PRUNE2: variants seen among roughly 807,000 people sequenced by gnomAD.
PRUNE2 encodes the protein protein prune homolog 2.
In PRUNE2, 164 loss-of-function variants were observed where a neutral mutation model predicts 252.0. That is an observed-to-expected ratio of 0.65 (90% CI 0.57 to 0.74). PRUNE2 has a LOEUF of 0.74. Among genes scored for constraint, PRUNE2 ranks in the 30% least tolerant of loss-of-function variants. The probability of loss-of-function intolerance (pLI) is 0.00; values close to 1 mark genes in which losing one functional copy is unlikely to be tolerated. For synonymous variants in PRUNE2, 1,292 were observed against 1,350.2 expected (o/e 0.96, Z 0.94); for missense variants, 3,495 against 3,711.0 (o/e 0.94, Z 1.51).
intron 1 of PRUNE2, among the ~76,000 whole-genome samples, chr9:76,892,239 G>A (rs943792152): frequency 4.6e-5 from 7 of 152,116 alleles, no homozygotes; most frequent in African/African-American, 9.7e-5. Context: ...ATTCTCTAAC[G>A]TGTCGGGGTG....
chr9:76,704,789 TG>T lies in PRUNE2; in HGVS notation c.7484del (p.Pro2495GlnfsTer6). ...WEVETDNSDL[P>X]AGGDIGPPNG... ...TTGGTGGTCCTATGTCTCCACCTGC[TG>T]GTAAATCAGAATTATCTGTTTCTAC... On this transcript the variant is annotated frameshift_variant, in exon 8 of 19. Coordinates refer to ENST00000376718, the MANE Select transcript of PRUNE2 (RefSeq NM_015225.3). LOFTEE classifies it high-confidence loss of function. The T allele has an allele frequency of 6.4e-7, 1 of 1,570,220 alleles. No homozygotes were observed. The highest frequency in any genetic ancestry group is 8.7e-7 in the Non-Finnish European group (1 of 1,155,874).
At chr9:76,806,830 C>T (rs1268324151) in intron 6 of PRUNE2, among the ~76,000 whole-genome samples, 1 of 151,906 alleles carries the variant, frequency 6.6e-6, no homozygotes, top group African/African-American at 2.4e-5. Context: ...AGGCACCACT[C>T]TAAGCTTTTT....
intron 6 of PRUNE2, among the ~76,000 whole-genome samples, chr9:76,752,242 T>C (rs1307853095): frequency 6.6e-6 from 1 of 152,038 alleles, no homozygotes; most frequent in Non-Finnish European, 1.5e-5. Flanking sequence ...GGACTACAGG[T>C]GCCCGCCACC....
At chr9:76,647,257 G>C (rs958902685) in intron 11 of PRUNE2, among the ~76,000 whole-genome samples, 1 of 152,136 alleles carries the variant, frequency 6.6e-6, no homozygotes, top group Non-Finnish European at 1.5e-5. Context: ...ACTGATCTTA[G>C]ACAAGGAGCA....
intron 6 of PRUNE2, among the ~76,000 whole-genome samples, chr9:76,789,663 T>C (rs1240118727): frequency 6.6e-6 from 1 of 152,166 alleles, no homozygotes; most frequent in Non-Finnish European, 1.5e-5. Flanking sequence ...CCCGCAAGGT[T>C]TCCCCACACA....
At chr9:76,891,925 T>C (rs2062499937) in intron 1 of PRUNE2, among the ~76,000 whole-genome samples, 2 of 152,054 alleles carry the variant, frequency 1.3e-5, no homozygotes. Context: ...TGAGATCAAG[T>C]AGGTGACAAC....
In PRUNE2 at chr9:76,613,652, T is replaced by C. The variant is rs1459132654; in HGVS notation, c.*918A>G. 1.3e-5 allele frequency: 2 copies of C among 152,190 alleles called. No individual in the cohort carries two copies. Among genetic ancestry groups the C allele is most frequent in the Non-Finnish European group, 2.9e-5 (2 of 68,040 alleles). The allele number at this position is 152,190 out of a possible 1,614,324, so 9.4% of individuals were successfully genotyped here. On this transcript the variant is annotated 3_prime_UTR_variant, in exon 19 of 19. Transcript: ENST00000376718. ...GGAAATATTTTGTACATGAAAGTAA[T>C]ACTCATATTTAATTTTAAGCCTATG...
intron 1 of PRUNE2, among the ~76,000 whole-genome samples, chr9:76,876,885 A>T (rs1476353965): frequency 6.6e-6 from 1 of 152,194 alleles, no homozygotes; most frequent in Admixed American, 6.5e-5. Context: ...TTAAGCATGG[A>T]ATATAATACA....
At chr9:76,644,514 G>GA in intron 12 of PRUNE2, 1 of 640,830 alleles carries the variant, frequency 1.6e-6, no homozygotes, top group Non-Finnish European at 2.9e-6. Flanking sequence ...TATGTAGCAT[G>GA]AAAAGCCCGT....
At chr9:76,881,278 T>C (rs2061768092) in intron 1 of PRUNE2, among the ~76,000 whole-genome samples, 1 of 152,174 alleles carries the variant, frequency 6.6e-6, no homozygotes, top group African/African-American at 2.4e-5. Flanking sequence ...CTCATTAATT[T>C]TTAAGAGTGG....
intron 1 of PRUNE2, among the ~76,000 whole-genome samples, chr9:76,882,137 A>G (rs893127730): frequency 2.6e-5 from 4 of 152,190 alleles, no homozygotes; most frequent in African/African-American, 9.7e-5. Flanking sequence ...TAATGTGGAT[A>G]TATGAGTATG....
At chr9:76,772,232 G>C (rs1486940773) in intron 6 of PRUNE2, among the ~76,000 whole-genome samples, 1 of 152,278 alleles carries the variant, frequency 6.6e-6, no homozygotes, top group African/African-American at 2.4e-5. Context: ...CCACTACAGA[G>C]GGAAATAACA....
At chr9:76,884,882 C>T (rs114112326) in intron 1 of PRUNE2, among the ~76,000 whole-genome samples, 5,055 of 152,296 alleles carry the variant, frequency 0.033, 265 homozygotes, top group African/African-American at 0.11. Context: ...CTAAAGCCCA[C>T]CTCTCATTAT....
At chr9:76,702,425 C>T (rs11145012) in intron 9 of PRUNE2, among the ~76,000 whole-genome samples, 29,508 of 152,068 alleles carry the variant, frequency 0.19, 3,355 homozygotes, top group East Asian at 0.49. Context: ...TTACTTTTCA[C>T]AATTTGTTCT....
chr9:76,794,028 C>T (rs2055811545), intron 6 of PRUNE2, among the ~76,000 whole-genome samples: 1 of 152,140 alleles, frequency 6.6e-6, no homozygotes, highest in Admixed American at 6.5e-5. Flanking sequence ...TTTGCTTTGT[C>T]TGAAGCCAAG....
intron 10 of PRUNE2, among the ~76,000 whole-genome samples, chr9:76,653,087 C>A (rs1004475705): frequency 2.0e-5 from 3 of 152,084 alleles, no homozygotes; most frequent in Non-Finnish European, 4.4e-5. Context: ...GTAACTGGAT[C>A]CTCCCAACCC....
At chr9:76,904,595 ATACT>A (rs1271358830) in intron 1 of PRUNE2, among the ~76,000 whole-genome samples, 1 of 152,214 alleles carries the variant, frequency 6.6e-6, no homozygotes, top group African/African-American at 2.4e-5. Flanking sequence ...GAAATGCCAA[ATACT>A]TACTTGAGTT....
intron 6 of PRUNE2, among the ~76,000 whole-genome samples, chr9:76,763,591 G>A (rs544190): frequency 0.33 from 49,481 of 152,028 alleles, 8,593 homozygotes; most frequent in South Asian, 0.42. Flanking sequence ...CATATCCCCC[G>A]TCCCCAAGAG....
chr9:76,905,821 C>T, intron 1 of PRUNE2, 107 bp downstream of exon 1: 1 of 1,442,410 alleles, frequency 6.9e-7, no homozygotes, highest in Admixed American at 1.7e-5. Flanking sequence ...CCTGATAACT[C>T]CGTGGCAAAG....
Sources: allele counts gnomAD v4.1 joint callset (sites outside exome capture counted in the v4.1 genomes callset), GRCh38; gene constraint gnomAD v4.1.1; transcripts MANE v1.5; gene names NCBI Gene and HGNC (gene_info 2026-07-23, HGNC 2026-07-21).